The following FAM83G variants were observed in gnomAD, a reference collection of about 807,000 sequenced individuals.
FAM83G encodes scaffolding CK1 anchoring protein G, also known as protein FAM83G.
A neutral mutation model predicts 61.5 loss-of-function variants in FAM83G; 38 were observed. That is an observed-to-expected ratio of 0.62 (90% confidence interval 0.48 to 0.81). The LOEUF (loss-of-function observed/expected upper bound fraction) is 0.81. FAM83G is among the 30% of genes least tolerant of loss of function. FAM83G has a pLI of 0.00. For synonymous variants in FAM83G, 470 were observed against 476.1 expected (o/e 0.99, Z 0.17); for missense variants, 989 against 1,133.6 (o/e 0.87, Z 1.83).
At position 18,978,398 on chromosome 17, in the gene FAM83G, C is replaced by T. The variant is rs2043040416; in HGVS notation, c.1268G>A (p.Ser423Asn). 4 of 1,590,518 alleles carry T rather than the reference C, an allele frequency of 2.5e-6. No individual in the cohort carries two copies. Among genetic ancestry groups the T allele is most frequent in the Non-Finnish European group, 3.4e-6 (4 of 1,168,388 alleles). The change falls in exon 5 of 6, where the codon AGC becomes AAC. Residue 423 changes from serine to asparagine, a missense_variant. Coordinates refer to ENST00000388995, the MANE Select transcript of FAM83G (RefSeq NM_001039999.3). ...GATATTGATGTAGCCCAGGATGTCG[C>T]TGCCAGGCTCCGGGTCTGGCTCCAC... is the stretch of plus-strand genomic sequence containing the variant. ...TWVEPDPEPG[S>N]DILGYINIID...
At chr17:18,982,996 G>T (rs2043177145) in intron 3 of FAM83G, among the ~76,000 whole-genome samples, 1 of 152,244 alleles carries the variant, frequency 6.6e-6, no homozygotes, top group Non-Finnish European at 1.5e-5. Context: ...CCAGCTCCCA[G>T]TGGGTGCCCC....
intron 5 of FAM83G, chr17:18,977,107 T>C: frequency 7.2e-7 from 1 of 1,383,948 alleles, no homozygotes; most frequent in Non-Finnish European, 9.8e-7. Context: ...TTCCCCAACC[T>C]GGGGAGTGGG....
At chr17:18,989,010 G>T (rs532980845) in intron 2 of FAM83G, among the ~76,000 whole-genome samples, 2 of 152,194 alleles carry the variant, frequency 1.3e-5, no homozygotes, top group African/African-American at 2.4e-5. Flanking sequence ...GTATGGGCCC[G>T]GCCCCAGTGG....
chr17:18,999,104 C>A (rs1335700515), intron 2 of FAM83G, among the ~76,000 whole-genome samples: 2 of 152,084 alleles, frequency 1.3e-5, no homozygotes, highest in African/African-American at 4.8e-5. Context: ...ACGGTGAAAC[C>A]CCGTTTCTAT....
At chr17:18,979,286 A>G (rs2043068881) in intron 4 of FAM83G, 1 of 519,922 alleles carries the variant, frequency 1.9e-6, no homozygotes, top group South Asian at 2.3e-5. Flanking sequence ...AGTGACCCCC[A>G]TAGGCTTGCG....
At position 18,970,733 on chromosome 17, in the gene FAM83G, G is replaced by C. The variant is rs1207643117; in HGVS notation, c.*626C>G. 1.3e-5 allele frequency: 6 copies of C among 474,196 alleles called. No homozygotes were observed. In the East Asian group the frequency reaches 2.3e-4, roughly 18 times the overall value. The allele number at this position is 474,196 out of a possible 1,614,324, so 29.4% of individuals were successfully genotyped here. A position where few individuals can be genotyped will look rare whatever the true frequency, so the allele number is the denominator to read the frequency against. ...GCCGATGAGTGTCCAGAGGCCAACAGTGACTCCTGCTGGGCCAGCGGGACA... is the reference window on the plus strand; with the variant it reads ...GCCGATGAGTGTCCAGAGGCCAACACTGACTCCTGCTGGGCCAGCGGGACA... On this transcript the variant is annotated 3_prime_UTR_variant, in exon 6 of 6. Transcript: ENST00000388995.
chr17:18,983,693 G>A (rs868427244), intron 3 of FAM83G, among the ~76,000 whole-genome samples: 1 of 152,194 alleles, frequency 6.6e-6, no homozygotes, highest in Admixed American at 6.5e-5. Context: ...GGCCTGTCTC[G>A]CTCTCTGTGG....
Position 18,970,638 on chromosome 17 carries a change from T to C in FAM83G, c.*721A>G, listed in dbSNP as rs1171157299. 3 of 282,774 alleles carry C rather than the reference T, an allele frequency of 1.1e-5. No homozygotes were observed. Among genetic ancestry groups the C allele is most frequent in the Non-Finnish European group, 2.0e-5 (3 of 147,112 alleles). 17.5% of individuals were successfully genotyped at this position (282,774 alleles called of 1,614,324 possible). Reference sequence around the variant, plus strand: ...TAGAAGCCTCAGGAAGGTCCTCAAATGTCAAGAAAAATTACTTTTGCTTCC... The same window carrying C: ...TAGAAGCCTCAGGAAGGTCCTCAAACGTCAAGAAAAATTACTTTTGCTTCC... On this transcript the variant is annotated 3_prime_UTR_variant, in exon 6 of 6. Transcript: ENST00000388995.
At position 18,985,467 on chromosome 17, in the gene FAM83G, G is replaced by A. The variant is rs150846402; in HGVS notation, c.690+2780C>T. On this transcript the variant is annotated intron_variant, in intron 3 of 5. Transcript: ENST00000388995. ...CCTGGGCCCAAAGGAGCTGGGGCAGGTTGGTGCAGAGCTGGGCAGGGGTGG... is the reference window on the plus strand; with the variant it reads ...CCTGGGCCCAAAGGAGCTGGGGCAGATTGGTGCAGAGCTGGGCAGGGGTGG... 4.5e-3 allele frequency among the ~76,000 whole-genome samples: 691 copies of A among 152,360 alleles called. 7 individuals are homozygous for A. Among genetic ancestry groups the A allele is most frequent in the African/African-American group, 0.016 (650 of 41,582 alleles).
chr17:19,003,921 G>A lies in FAM83G; in HGVS notation c.121C>T (p.Arg41Cys), dbSNP rs946928798. The change falls in exon 2 of 6, where the codon CGC (arginine) becomes TGC (cysteine). Residue 41 changes from arginine (R) to cysteine (C), a missense_variant. Physicochemically the swap from Arg to Cys is radical, Grantham distance 180. Transcript: ENST00000388995. This position sits in a 1 kb window ranked among gnomAD's most constrained non-coding sequence, Gnocchi z 4.5. ...ACCTCGTAGAAGGCGTCCCGGCCGC[G>A]GGCCACCAGGGCCTCCAGCGCCAGC... ...QRLALEALVA[R>C]GRDAFYEVLK... 2.5e-6 allele frequency: 4 copies of A among 1,612,828 alleles called. No homozygotes were observed. The highest frequency in any genetic ancestry group is 3.3e-5 in the Admixed American group (2 of 60,014).
At chr17:18,989,274 G>C (rs577024608) in intron 2 of FAM83G, among the ~76,000 whole-genome samples, 4 of 151,866 alleles carry the variant, frequency 2.6e-5, no homozygotes, top group Admixed American at 2.0e-4. Context: ...GCTGGGGACA[G>C]AGTCAGGCTA....
chr17:19,001,863 A>G (rs73982609), intron 2 of FAM83G, among the ~76,000 whole-genome samples: 9,675 of 152,198 alleles, frequency 0.064, 1,020 homozygotes, highest in African/African-American at 0.22. Flanking sequence ...TGTCGCTGAC[A>G]AGGAGGGGAG....
Position 19,003,927 on chromosome 17 carries a change from C to A in FAM83G, c.115G>T (p.Val39Leu). The change falls in exon 2 of 6, where the codon GTG becomes TTG. Residue 39 changes from valine (V) to leucine (L), a missense_variant. Around this residue, in one of 3 missense-constraint regions of FAM83G, gnomAD observed 371 missense variants for 404.5 expected, o/e 0.92. Transcript: ENST00000388995. This position sits in a 1 kb window ranked among gnomAD's most constrained non-coding sequence, Gnocchi z 4.5. ...TAGAAGGCGTCCCGGCCGCGGGCCA[C>A]CAGGGCCTCCAGCGCCAGCCGCTGC... ...EEQRLALEAL[V>L]ARGRDAFYEV... 6.2e-7 allele frequency: 1 copy of A among 1,612,936 alleles called. No homozygotes were observed. The highest frequency in any genetic ancestry group is 1.1e-5 in the South Asian group (1 of 91,072).
rs1190816234 is a variant in FAM83G at position 19,000,635 on chromosome 17, T to TCAGCCCCAG, written c.522+2876_522+2884dup. 4.6e-5 allele frequency among the ~76,000 whole-genome samples: 7 copies of TCAGCCCCAG among 152,092 alleles called. No individual in the cohort carries two copies. Among genetic ancestry groups the TCAGCCCCAG allele is most frequent in the Non-Finnish European group, 8.8e-5 (6 of 68,016 alleles). ...AGGCGGAAGGCTGGGCTGTCCTGAC[T>TCAGCCCCAG]CAGCCCCAGCAGCCCCAGCCTAAAG... On this transcript the variant is annotated intron_variant, in intron 2 of 5. Transcript: ENST00000388995. The surrounding 1 kb of genome is among the most constrained non-coding windows in gnomAD (Gnocchi z 5.2).
chr17:18,987,328 C>T (rs745812034), intron 3 of FAM83G, among the ~76,000 whole-genome samples: 1 of 152,228 alleles, frequency 6.6e-6, no homozygotes, highest in Non-Finnish European at 1.5e-5. Flanking sequence ...CTCCCTATCC[C>T]ACTAGGCTGT....
Position 19,003,694 on chromosome 17 carries a change from G to A in FAM83G, c.348C>T (p.Ser116=), listed in dbSNP as rs955077630. The A allele has an allele frequency of 6.2e-7, 1 of 1,607,912 alleles. No individual in the cohort carries two copies. The highest frequency in any genetic ancestry group is 8.5e-7 in the Non-Finnish European group (1 of 1,177,172). The change falls in exon 2 of 6, where the codon TCC becomes TCT. Residue 116 remains serine (S), a synonymous_variant. Coordinates refer to ENST00000388995, the MANE Select transcript of FAM83G (RefSeq NM_001039999.3). This position sits in a 1 kb window ranked among gnomAD's most constrained non-coding sequence, Gnocchi z 4.5. ...GVPIEAEPLP[S]LEYWPQKSDR... ...CCGACTTCTGGGGCCAGTACTCCAGGGAGGGCAGCGGCTCGGCCTCGATGG... is the reference window on the plus strand; with the variant it reads ...CCGACTTCTGGGGCCAGTACTCCAGAGAGGGCAGCGGCTCGGCCTCGATGG...
chr17:18,986,328 T>A (rs1302570911), intron 3 of FAM83G: 2 of 152,276 alleles, frequency 1.3e-5, no homozygotes, highest in African/African-American at 4.8e-5. Context: ...AAGTTCATCC[T>A]TTGATGCTCT....
chr17:18,977,346 T>G, intron 5 of FAM83G: 1 of 585,092 alleles, frequency 1.7e-6, no homozygotes, highest in Non-Finnish European at 3.0e-6. Flanking sequence ...AAACGTGCAT[T>G]TTCTTAGGTT....
chr17:18,999,351 T>C (rs925740294), intron 2 of FAM83G, among the ~76,000 whole-genome samples: 1 of 151,900 alleles, frequency 6.6e-6, no homozygotes, highest in African/African-American at 2.4e-5. Context: ...GCTCTGGTGC[T>C]CCCATGCAGG....
Sources: gnomAD v4.1 joint callset for allele counts (sites outside exome capture counted in the v4.1 genomes callset) on GRCh38, gnomAD v4.1.1 for gene constraint, gnomAD v4.1.1 regional missense constraint, Gnocchi (gnomAD v3.1) non-coding constraint, MANE v1.5 for transcripts, NCBI Gene and HGNC (gene_info 2026-07-23, HGNC 2026-07-21) for gene names.